Variants in ARHGEF18 observed in about 807,000 individuals in gnomAD.
ARHGEF18 encodes the protein Rho/Rac guanine nucleotide exchange factor 18.
A neutral mutation model predicts 155.7 loss-of-function variants in ARHGEF18; 93 were observed. The ratio of observed to expected loss-of-function variants is 0.60; its 90% CI spans 0.50 to 0.71. The LOEUF (loss-of-function observed/expected upper bound fraction) is 0.71. Ranked by LOEUF, ARHGEF18 falls within the 30% of genes least tolerant of loss-of-function variation. ARHGEF18 has a pLI of 0.00. For synonymous variants in ARHGEF18, 742 were observed against 753.1 expected (o/e 0.99, Z 0.24); for missense variants, 1,593 against 1,816.1 (o/e 0.88, Z 2.23).
At chr19:7,406,029 C>G (rs10417593) in intron 10 of ARHGEF18, among the ~76,000 whole-genome samples, 4,094 of 152,206 alleles carry the variant, frequency 0.027, 181 homozygotes, top group African/African-American at 0.093. Context: ...TCTTTAGAAC[C>G]AGTTAATTGC....
chr19:7,453,573 C>G lies in ARHGEF18; in HGVS notation c.1962C>G (p.Leu654=). 6.2e-7 allele frequency: 1 copy of G among 1,613,978 alleles called. No homozygotes were observed. Among genetic ancestry groups the G allele is most frequent in the Non-Finnish European group, 8.5e-7 (1 of 1,179,926 alleles). ...KVSECEKGQR[L]REIAGKMDLK... Reference sequence around the variant, plus strand: ...GTGAGTGTGAGAAGGGCCAGCGCCTCAGGGAGATCGCAGGGAAGATGGACC... The same window carrying G: ...GTGAGTGTGAGAAGGGCCAGCGCCTGAGGGAGATCGCAGGGAAGATGGACC... The change falls in exon 17 of 29, where the codon CTC becomes CTG. Residue 654 remains leucine (L), a synonymous_variant. Coordinates refer to ENST00000668164, the MANE Select transcript of ARHGEF18 (RefSeq NM_001367823.1).
At chr19:7,419,668 G>A (rs1287852939) in intron 10 of ARHGEF18, among the ~76,000 whole-genome samples, 2 of 151,950 alleles carry the variant, frequency 1.3e-5, no homozygotes, top group African/African-American at 4.8e-5. Flanking sequence ...TAAACCTCAC[G>A]GAGGATTCTC....
rs1018675184 is a variant in ARHGEF18, at chr19:7,395,438, AGGC to A, written c.967+12240_967+12242del. On this transcript the variant is annotated intron_variant, in intron 10 of 28. Coordinates refer to ENST00000668164, the MANE Select transcript of ARHGEF18 (RefSeq NM_001367823.1). This position sits in a 1 kb window ranked among gnomAD's most constrained non-coding sequence, Gnocchi z 5.0. ...TGCTCCTTCAATGCATGGAGGCTCT[AGGC>A]GGCGATTGCAGGGTGCAGAGGTGCA... Among the ~76,000 whole-genome samples, 4 of 151,978 alleles carry A rather than the reference AGGC, an allele frequency of 2.6e-5. No homozygotes were observed. Among genetic ancestry groups the A allele is most frequent in the Non-Finnish European group, 5.9e-5 (4 of 67,962 alleles).
intron 10 of ARHGEF18, among the ~76,000 whole-genome samples, chr19:7,417,777 T>C (rs937123635): frequency 6.6e-6 from 1 of 151,988 alleles, no homozygotes; most frequent in African/African-American, 2.4e-5. Flanking sequence ...GGTGACATGT[T>C]TGGAGGAGGC....
At chr19:7,453,067 C>T (rs555823375) in intron 16 of ARHGEF18, among the ~76,000 whole-genome samples, 35 of 151,962 alleles carry the variant, frequency 2.3e-4, no homozygotes, top group Middle Eastern at 3.4e-3. Context: ...GGCATGGTGG[C>T]GGGTGCCTGT....
chr19:7,442,127 T>TCCC (rs1160031726), intron 13 of ARHGEF18, 75 bp downstream of exon 13: 5 of 45,356 alleles, frequency 1.1e-4, no homozygotes, highest in African/African-American at 7.7e-4. Context: ...CCTCCCTCCC[T>TCCC]TCCTTCCTTC....
intron 10 of ARHGEF18, among the ~76,000 whole-genome samples, chr19:7,409,142 C>A (rs1972511950): frequency 6.9e-6 from 1 of 145,816 alleles, no homozygotes; most frequent in Non-Finnish European, 1.5e-5. Context: ...TCACTGCAAG[C>A]TCCGCCTCCT....
chr19:7,469,834 C>A, intron 27 of ARHGEF18, 70 bp from the exon 28 acceptor site: 4 of 1,569,066 alleles, frequency 2.5e-6, no homozygotes, highest in South Asian at 1.2e-5. Context: ...CCTCTGCTCT[C>A]GGAGGCTGCC....
At chr19:7,360,795 G>A (rs534096591) in intron 1 of ARHGEF18, among the ~76,000 whole-genome samples, 28 of 152,290 alleles carry the variant, frequency 1.8e-4, no homozygotes, top group African/African-American at 6.5e-4. Context: ...CAGCCTGCTT[G>A]TTTCGTTTCT....
chr19:7,349,559 C>T (rs77804463), intron 1 of ARHGEF18, among the ~76,000 whole-genome samples: 11,367 of 151,912 alleles, frequency 0.075, 1,422 homozygotes, highest in African/African-American at 0.26. Context: ...GGGCGGATCA[C>T]TTGAGGTCAA....
Position 7,468,920 on chromosome 19 carries a change from A to G in ARHGEF18, c.3576A>G (p.Ala1192=). Residue 1192 remains alanine, a synonymous_variant, in exon 27 of 29, where the codon GCA becomes GCG. Transcript: ENST00000668164. ...MLPSGVGPEY[A]ERPEVARRDS... ...CATCCGGCGTGGGGCCAGAGTACGC[A>G]GAGCGCCCCGAGGTGGCTCGCCGGG... is the stretch of plus-strand genomic sequence containing the variant. 6.3e-7 allele frequency: 1 copy of G among 1,576,082 alleles called. No individual in the cohort carries two copies. Among genetic ancestry groups the G allele is most frequent in the Non-Finnish European group, 8.6e-7 (1 of 1,161,826 alleles).
intron 27 of ARHGEF18, among the ~76,000 whole-genome samples, chr19:7,469,621 T>A (rs1976889443): frequency 6.6e-6 from 1 of 152,120 alleles, no homozygotes; most frequent in Non-Finnish European, 1.5e-5. Context: ...TCTCTGAAGA[T>A]TAAGGGTGTG....
chr19:7,470,002 G>A lies in ARHGEF18; in HGVS notation c.3886G>A (p.Gly1296Ser), dbSNP rs567452162. The A allele has an allele frequency of 2.1e-5, 34 of 1,613,014 alleles. No homozygotes were observed. Among genetic ancestry groups the A allele is most frequent in the Middle Eastern group, 3.3e-4 (2 of 6,060 alleles). ...NRRSLSPILPGRHSPAPPPDP... is the reference protein window; with the variant it reads ...NRRSLSPILPSRHSPAPPPDP... Reference sequence around the variant, plus strand: ...CCGCTCGCTGAGCCCTATCCTGCCCGGCAGACACAGTCCTGCGCCCCCACC... The same window carrying A: ...CCGCTCGCTGAGCCCTATCCTGCCCAGCAGACACAGTCCTGCGCCCCCACC... Residue 1296 changes from glycine to serine, a missense_variant, in exon 28 of 29, where the codon GGC (glycine) becomes AGC (serine). Coordinates refer to ENST00000668164, the MANE Select transcript of ARHGEF18 (RefSeq NM_001367823.1). This position sits in a 1 kb window ranked among gnomAD's most constrained non-coding sequence, Gnocchi z 5.9.
In ARHGEF18 at chr19:7,459,997, G is replaced by T; in HGVS notation, c.2452+3G>T. ...CACGAGACTCCGGGACTTTCAAGGT[G>T]AGCGGGAGACAGCGTCTGGGCACAC... On this transcript the variant is annotated splice_donor_region_variant and intron_variant, in intron 20 of 28. Transcript: ENST00000668164. The T allele has an allele frequency of 1.3e-6, 2 of 1,571,370 alleles. No individual in the cohort carries two copies. The highest frequency in any genetic ancestry group is 2.3e-5 in the South Asian group (2 of 85,530).
downstream of ARHGEF18, among the ~76,000 whole-genome samples, chr19:7,475,738 T>TC (rs1977214586): frequency 6.6e-6 from 1 of 152,200 alleles, no homozygotes; most frequent in Non-Finnish European, 1.5e-5. Context: ...TCATGTGGCT[T>TC]CCCCACACAG....
At chr19:7,382,735 G>A (rs1970805909) in intron 8 of ARHGEF18, 57 bp from the exon 9 acceptor site, 2 of 1,194,960 alleles carry the variant, frequency 1.7e-6, no homozygotes, top group Admixed American at 8.5e-5. Flanking sequence ...CAACCCACAG[G>A]GCTGCCTCAG....
intron 8 of ARHGEF18, among the ~76,000 whole-genome samples, chr19:7,381,722 T>A (rs1006104063): frequency 7.5e-5 from 11 of 146,074 alleles, no homozygotes; most frequent in South Asian, 2.2e-4. Context: ...AATAAATAAA[T>A]AAAAATAAAA....
chr19:7,459,017 C>T (rs1457925925), intron 19 of ARHGEF18, among the ~76,000 whole-genome samples: 1 of 152,122 alleles, frequency 6.6e-6, no homozygotes, highest in Non-Finnish European at 1.5e-5. Context: ...CCTCAGGGCC[C>T]AGAACCAGCT....
chr19:7,418,314 A>G (rs1248939054), intron 10 of ARHGEF18, among the ~76,000 whole-genome samples: 1 of 152,110 alleles, frequency 6.6e-6, no homozygotes, highest in African/African-American at 2.4e-5. Flanking sequence ...GCTGGAGTGC[A>G]GTCGCACAAT....
Sources: gnomAD v4.1 joint callset for allele counts (sites outside exome capture counted in the v4.1 genomes callset) on GRCh38, gnomAD v4.1.1 for gene constraint, Gnocchi (gnomAD v3.1) non-coding constraint, MANE v1.5 for transcripts, NCBI Gene and HGNC (gene_info 2026-07-23, HGNC 2026-07-21) for gene names.